The following ASB15 variants were observed in gnomAD, a reference collection of about 807,000 sequenced individuals.
ASB15 encodes ankyrin repeat and SOCS box protein 15.
ASB15 carries 54 observed loss-of-function variants against 58.0 expected under a neutral mutation model. The ratio of observed to expected loss-of-function variants is 0.93; its 90% CI spans 0.75 to 1.17. The LOEUF is 1.17. Ranked by LOEUF, ASB15 falls within the 50% of genes most tolerant of loss-of-function variation. The pLI, the probability that ASB15 is intolerant of heterozygous loss-of-function variation, is 0.00. For missense variants in ASB15, 680 were observed against 707.4 expected (o/e 0.96, Z 0.44); for synonymous variants, 249 against 262.4 (o/e 0.95, Z 0.50).
intron 11 of ASB15, among the ~76,000 whole-genome samples, chr7:123,630,590 G>C (rs1338585700): frequency 6.6e-6 from 1 of 151,948 alleles, no homozygotes; most frequent in Non-Finnish European, 1.5e-5. Context: ...TACCATCAAA[G>C]GTTAGTATTT....
chr7:123,620,507 CAT>C (rs1395766241), intron 7 of ASB15, among the ~76,000 whole-genome samples: 641 of 29,584 alleles, frequency 0.022, no homozygotes, highest in Non-Finnish European at 0.024. Context: ...CATATACATA[CAT>C]ATATATATAT....
chr7:123,616,403 A>G lies in ASB15; in HGVS notation c.200A>G (p.Tyr67Cys). The G allele has an allele frequency of 6.2e-7, 1 of 1,607,332 alleles. No homozygotes were observed. The highest frequency in any genetic ancestry group is 8.5e-7 in the Non-Finnish European group (1 of 1,174,164). Residue 67 changes from tyrosine to cysteine, a missense_variant, in exon 6 of 12, where the codon TAT (tyrosine) becomes TGT (cysteine). By Grantham distance (194) the Tyr-to-Cys change is radical. Transcript: ENST00000451215. The stretch of plus-strand genomic sequence containing the variant: ...CTCCAGGAGTATGTAAAATATAAAT[A>G]TGCAATGGATGAAGCTGATGAAAAA... ...PELQEYVKYK[Y>C]AMDEADEKGW...
intron 1 of ASB15, among the ~76,000 whole-genome samples, chr7:123,580,106 T>C (rs1584728871): frequency 6.6e-6 from 1 of 151,780 alleles, no homozygotes; most frequent in East Asian, 1.9e-4. Context: ...AGAAGGATGG[T>C]CTAAATTGGG....
intron 1 of ASB15, among the ~76,000 whole-genome samples, chr7:123,589,471 GC>G (rs34599459): frequency 0.29 from 44,596 of 151,418 alleles, 6,694 homozygotes; most frequent in East Asian, 0.4. Context: ...CCCTCCTCCA[GC>G]CCCCCACCTC....
rs1800114503 is a variant in ASB15 at position 123,605,707 on chromosome 7, G to C, written c.-64+1495G>C. Among the ~76,000 whole-genome samples the C allele has an allele frequency of 3.9e-5, 6 of 152,232 alleles. No homozygotes were observed. In the South Asian group the frequency reaches 1.0e-3, roughly 26 times the overall value. The stretch of plus-strand genomic sequence containing the variant: ...TGTCCTTTGCAGCAACATGGATGGA[G>C]CTGTAGGGTCATTATCCTAAGCAAA... On this transcript the variant is annotated intron_variant, in intron 2 of 11. Transcript: ENST00000451215.
At chr7:123,623,995 G>A (rs540447001) in intron 7 of ASB15, among the ~76,000 whole-genome samples, 8 of 141,190 alleles carry the variant, frequency 5.7e-5, no homozygotes, top group African/African-American at 1.8e-4. Context: ...AAGAAAGAAA[G>A]AGAAAGGAAA....
At chr7:123,635,922 G>A (rs1042965754) in intron 11 of ASB15, among the ~76,000 whole-genome samples, 1 of 151,982 alleles carries the variant, frequency 6.6e-6, no homozygotes, top group Non-Finnish European at 1.5e-5. Context: ...AAATGTAATA[G>A]AGATGTGATC....
intron 1 of ASB15, among the ~76,000 whole-genome samples, chr7:123,577,230 G>A (rs558473610): frequency 1.3e-5 from 2 of 151,978 alleles, no homozygotes; most frequent in East Asian, 3.9e-4. Flanking sequence ...TCCCATTATT[G>A]CAGGATATGG....
At chr7:123,603,221 A>G (rs1799971926) in intron 1 of ASB15, among the ~76,000 whole-genome samples, 2 of 152,176 alleles carry the variant, frequency 1.3e-5, no homozygotes, top group Admixed American at 1.3e-4. Context: ...GAGGGCATGG[A>G]TCCCATATAT....
intron 1 of ASB15, among the ~76,000 whole-genome samples, chr7:123,572,702 A>G (rs541541686): frequency 1.6e-5 from 2 of 125,930 alleles, no homozygotes; most frequent in East Asian, 2.3e-4. Flanking sequence ...TATTCACTCT[A>G]TCTCTTTTTT....
At chr7:123,572,315 T>C (rs1480834302) in intron 1 of ASB15, among the ~76,000 whole-genome samples, 1 of 151,410 alleles carries the variant, frequency 6.6e-6, no homozygotes, top group Non-Finnish European at 1.5e-5. Flanking sequence ...TTAATTTTTG[T>C]ATTTTTAGTA....
intron 1 of ASB15, among the ~76,000 whole-genome samples, chr7:123,594,980 G>A (rs1042264778): frequency 2.0e-5 from 3 of 152,170 alleles, no homozygotes; most frequent in Non-Finnish European, 2.9e-5. Flanking sequence ...TACACTGTGA[G>A]CATAAAACCG....
At chr7:123,606,423 G>T (rs1029414951) in intron 2 of ASB15, among the ~76,000 whole-genome samples, 1 of 152,136 alleles carries the variant, frequency 6.6e-6, no homozygotes, top group Non-Finnish European at 1.5e-5. Context: ...TCCTGAGAGG[G>T]CTTTGTAAGC....
At chr7:123,571,692 ATGT>A (rs1334371928) in intron 1 of ASB15, among the ~76,000 whole-genome samples, 1 of 152,240 alleles carries the variant, frequency 6.6e-6, no homozygotes, top group African/African-American at 2.4e-5. Context: ...TGTAAAAGAG[ATGT>A]TGTTTCACCA....
At chr7:123,616,628 G>T (rs1490314269) in intron 6 of ASB15, 133 bp downstream of exon 6, 5 of 1,127,270 alleles carry the variant, frequency 4.4e-6, no homozygotes, top group Middle Eastern at 2.9e-4. Context: ...TTTGAAAAAG[G>T]CAGCACCCAT....
intron 7 of ASB15, among the ~76,000 whole-genome samples, chr7:123,623,682 G>A (rs1287977536): frequency 6.6e-6 from 1 of 151,872 alleles, no homozygotes; most frequent in Admixed American, 6.6e-5. Flanking sequence ...TGACCAACAC[G>A]GTGAAACCCT....
intron 1 of ASB15, among the ~76,000 whole-genome samples, chr7:123,575,669 A>G (rs1032312090): frequency 6.6e-6 from 1 of 152,020 alleles, no homozygotes; most frequent in African/African-American, 2.4e-5. Flanking sequence ...TTTATCTTTG[A>G]AGGACAGCTT....
At chr7:123,620,616 GGCT>G (rs1414923804) in intron 7 of ASB15, among the ~76,000 whole-genome samples, 1 of 116,112 alleles carries the variant, frequency 8.6e-6, no homozygotes, top group African/African-American at 3.4e-5. Context: ...CTGTCGCCCA[GGCT>G]GGAGTGCAGT....
At chr7:123,571,310 T>C (rs1210156378) in intron 1 of ASB15, among the ~76,000 whole-genome samples, 2 of 152,338 alleles carry the variant, frequency 1.3e-5, no homozygotes, top group East Asian at 3.9e-4. Context: ...TGTACTGTGG[T>C]TTTTAATTGC....
Sources: gnomAD v4.1 joint callset for allele counts (sites outside exome capture counted in the v4.1 genomes callset) on GRCh38, gnomAD v4.1.1 for gene constraint, MANE v1.5 for transcripts, NCBI Gene and HGNC (gene_info 2026-07-23, HGNC 2026-07-21) for gene names.